The following HLA-DPB1 variants were observed in gnomAD, a reference collection of about 807,000 sequenced individuals.
HLA-DPB1 encodes the protein HLA class II histocompatibility antigen, DP beta 1 chain.
HLA-DPB1 carries 30 observed loss-of-function variants against 29.4 expected under a neutral mutation model. That is an observed-to-expected ratio of 1.02 (90% CI 0.76 to 1.38). The LOEUF is 1.38. Among genes scored for constraint, HLA-DPB1 ranks in the 40% most tolerant of loss-of-function variants. The probability of loss-of-function intolerance (pLI) is 0.00; values close to 1 mark genes in which losing one functional copy is unlikely to be tolerated. For synonymous variants in HLA-DPB1, 114 were observed against 134.0 expected (o/e 0.85, Z 1.03); for missense variants, 261 against 327.5 (o/e 0.80, Z 1.57).
rs1302868311 is a variant in HLA-DPB1 at position 33,080,049 on chromosome 6, C to T, written c.101-623C>T. Among the ~76,000 whole-genome samples, 1 of 152,172 alleles carries T rather than the reference C, an allele frequency of 6.6e-6. No homozygotes were observed. Among genetic ancestry groups the T allele is most frequent in the Non-Finnish European group, 1.5e-5 (1 of 68,026 alleles). ...TTCTGCAGCCATGTTTGAAAATTAACTTTCAGGCTACAGAGTCTTTCTTAT... is the reference window on the plus strand; with the variant it reads ...TTCTGCAGCCATGTTTGAAAATTAATTTTCAGGCTACAGAGTCTTTCTTAT... On this transcript the variant is annotated intron_variant, in intron 1 of 5. Coordinates refer to ENST00000418931, the MANE Select transcript of HLA-DPB1 (RefSeq NM_002121.6). The surrounding 1 kb of genome is among the most constrained non-coding windows in gnomAD (Gnocchi z 4.3).
Position 33,087,510 on chromosome 6 carries a change from T to C in HLA-DPB1, c.*976T>C, listed in dbSNP as rs1763163130. Among the ~76,000 whole-genome samples, 1 of 99,028 alleles carries C rather than the reference T, an allele frequency of 1.0e-5. No individual in the cohort carries two copies. The highest frequency in any genetic ancestry group is 3.3e-5 in the African/African-American group (1 of 30,112). 65.0% of individuals were successfully genotyped at this position (99,028 alleles called of 152,430 possible). On this transcript the variant is annotated 3_prime_UTR_variant, in exon 6 of 6. Transcript: ENST00000418931. Reference sequence around the variant, plus strand: ...ACATGTTTGTTGTAAGCTTTCTTTTTCGTGTAGAGGATGGATTCTTCACTC... The same window carrying C: ...ACATGTTTGTTGTAAGCTTTCTTTTCCGTGTAGAGGATGGATTCTTCACTC...
intron 1 of HLA-DPB1, 71 bp downstream of exon 1, chr6:33,076,212 G>A (rs1762528886): frequency 2.8e-6 from 3 of 1,068,758 alleles, no homozygotes; most frequent in African/African-American, 3.1e-5. Flanking sequence ...TATCTTTAAG[G>A]GATCAAATTC....
At chr6:33,076,580 C>G (rs1234839705) in intron 1 of HLA-DPB1, among the ~76,000 whole-genome samples, 1 of 152,194 alleles carries the variant, frequency 6.6e-6, no homozygotes, top group East Asian at 1.9e-4. Context: ...AAGAATGCCT[C>G]TTATTCCCCA....
chr6:33,080,617 G>A lies in HLA-DPB1; in HGVS notation c.101-55G>A. ...TCGTTAATATTGAGAGAGAGAGGGAGAAAGAGGATTAGATGAGAGTGGCGC... is the reference window on the plus strand; with the variant it reads ...TCGTTAATATTGAGAGAGAGAGGGAAAAAGAGGATTAGATGAGAGTGGCGC... On this transcript the variant is annotated intron_variant, in intron 1 of 5. Transcript: ENST00000418931. The surrounding 1 kb of genome is among the most constrained non-coding windows in gnomAD (Gnocchi z 4.3). The A allele has an allele frequency of 6.2e-7, 1 of 1,607,552 alleles. No individual in the cohort carries two copies. The highest frequency in any genetic ancestry group is 8.5e-7 in the Non-Finnish European group (1 of 1,175,144).
At position 33,076,072 on chromosome 6, in the gene HLA-DPB1, C is replaced by G. The variant is rs777782877; in HGVS notation, c.31C>G (p.Arg11Gly). The change falls in exon 1 of 6, where the codon CGG becomes GGG. Residue 11 changes from arginine (R) to glycine (G), a missense_variant. Arg to Gly is a moderately radical substitution (Grantham distance 125). Coordinates refer to ENST00000418931, the MANE Select transcript of HLA-DPB1 (RefSeq NM_002121.6). MMVLQVSAAP[R>G]TVALTALLMV... ...GGTTCTGCAGGTTTCTGCGGCCCCC[C>G]GGACAGTGGCTCTGACGGCGTTACT... is the stretch of plus-strand genomic sequence containing the variant. 33 of 1,612,572 alleles carry G rather than the reference C, an allele frequency of 2.0e-5. 1 individual carries two copies. In the South Asian group the frequency reaches 2.6e-4, roughly 13 times the overall value.
intron 2 of HLA-DPB1, among the ~76,000 whole-genome samples, chr6:33,081,728 C>G (rs1324467375): frequency 6.6e-6 from 1 of 152,096 alleles, no homozygotes; most frequent in Non-Finnish European, 1.5e-5. Flanking sequence ...GCATCCTCCT[C>G]GGGGCTGAGA....
At chr6:33,084,538 C>A (rs9277439) in intron 2 of HLA-DPB1, among the ~76,000 whole-genome samples, 57,539 of 151,586 alleles carry the variant, frequency 0.38, 12,327 homozygotes, top group East Asian at 0.64. Context: ...TAATCCCAGC[C>A]CTTTGAGAGG....
At chr6:33,077,076 C>CA (rs1762578121) in intron 1 of HLA-DPB1, among the ~76,000 whole-genome samples, 1 of 124,264 alleles carries the variant, frequency 8.0e-6, no homozygotes, top group African/African-American at 3.1e-5. Context: ...CCCCTCCCCC[C>CA]ACCCCACAAC....
At chr6:33,079,228 G>A (rs139634862) in intron 1 of HLA-DPB1, among the ~76,000 whole-genome samples, 18 of 152,342 alleles carry the variant, frequency 1.2e-4, no homozygotes, top group Admixed American at 2.6e-4. Flanking sequence ...TCCCCAGTGT[G>A]CCCAAGAACA....
chr6:33,076,496 G>C (rs558499836), intron 1 of HLA-DPB1, among the ~76,000 whole-genome samples: 1 of 152,298 alleles, frequency 6.6e-6, no homozygotes, highest in South Asian at 2.1e-4. Flanking sequence ...CATCCAGCCT[G>C]GAGGGGACTC....
At position 33,080,404 on chromosome 6, in the gene HLA-DPB1, C is replaced by T; in HGVS notation, c.101-268C>T. On this transcript the variant is annotated intron_variant, in intron 1 of 5. Transcript: ENST00000418931. This position sits in a 1 kb window ranked among gnomAD's most constrained non-coding sequence, Gnocchi z 4.3. ...CCACCAGCAGAAGGGACTGCCTTCC[C>T]CTCAGTGCTCGCCCCTCCCTAGTGA... 1.5e-6 allele frequency: 1 copy of T among 663,372 alleles called. No homozygotes were observed. The highest frequency in any genetic ancestry group is 1.5e-5 in the South Asian group (1 of 66,252). 41.1% of individuals were successfully genotyped at this position (663,372 alleles called of 1,614,324 possible). A position where few individuals can be genotyped will look rare whatever the true frequency, so the allele number is the denominator to read the frequency against.
Position 33,087,627 on chromosome 6 carries a change from T to G in HLA-DPB1, c.*1093T>G, listed in dbSNP as rs568432283. On this transcript the variant is annotated 3_prime_UTR_variant, in exon 6 of 6. Transcript: ENST00000418931. ...CTTCTTACAAGCATCTTCTGGGCCT[T>G]GTGTGTCCCTGGGCACCTGTCCCTG... Among the ~76,000 whole-genome samples the G allele has an allele frequency of 1.3e-5, 2 of 152,200 alleles. No individual in the cohort carries two copies. The highest frequency in any genetic ancestry group is 1.5e-5 in the Non-Finnish European group (1 of 68,042).
intron 1 of HLA-DPB1, among the ~76,000 whole-genome samples, chr6:33,079,035 C>A (rs1210740410): frequency 6.6e-6 from 1 of 152,188 alleles, no homozygotes; most frequent in Non-Finnish European, 1.5e-5. Flanking sequence ...TGGGATCTTG[C>A]CTTAGCAATG....
chr6:33,085,952 G>C (rs775515340), intron 4 of HLA-DPB1, 63 bp downstream of exon 4: 1 of 1,087,086 alleles, frequency 9.2e-7, no homozygotes, highest in Non-Finnish European at 1.4e-6. Flanking sequence ...CTTATTCCAC[G>C]ATGAGGGGTT....
Position 33,085,055 on chromosome 6 carries a change from G to C in HLA-DPB1, c.470G>C (p.Arg157Pro). 1.2e-6 allele frequency: 2 copies of C among 1,613,636 alleles called. No homozygotes were observed. The highest frequency in any genetic ancestry group is 1.7e-6 in the Non-Finnish European group (2 of 1,179,966). ...TDFYPGSIQV[R>P]WFLNGQEETA... ...TTCTACCCAGGCAGCATTCAAGTCC[G>C]ATGGTTCCTGAATGGACAGGAGGAA... Residue 157 changes from arginine (R) to proline (P), a missense_variant, in exon 3 of 6, where the codon CGA becomes CCA. By Grantham distance (103) the Arg-to-Pro change is moderately radical. Transcript: ENST00000418931.
At position 33,087,253 on chromosome 6, in the gene HLA-DPB1, A is replaced by T. The variant is rs1171640798; in HGVS notation, c.*719A>T. On this transcript the variant is annotated 3_prime_UTR_variant, in exon 6 of 6. Transcript: ENST00000418931. ...TACTCCTTAACCAAATACGGCTTGG[A>T]CTTTTGAATGCATCCAATAGACGTC... 6.5e-6 allele frequency: 1 copy of T among 153,272 alleles called. No individual in the cohort carries two copies. The highest frequency in any genetic ancestry group is 1.5e-5 in the Non-Finnish European group (1 of 68,668). The allele number at this position is 153,272 out of a possible 1,614,324, so 9.5% of individuals were successfully genotyped here. A position where few individuals can be genotyped will look rare whatever the true frequency, so the allele number is the denominator to read the frequency against.
In HLA-DPB1 at chr6:33,080,720, C is replaced by G; in HGVS notation, c.149C>G (p.Thr50Arg). The change falls in exon 2 of 6, where the codon ACA (threonine) becomes AGA (arginine). Residue 50 changes from threonine to arginine, a missense_variant. Coordinates refer to ENST00000418931, the MANE Select transcript of HLA-DPB1 (RefSeq NM_002121.6). This position sits in a 1 kb window ranked among gnomAD's most constrained non-coding sequence, Gnocchi z 4.3. ...GRQECYAFNG[T>R]QRFLERYIYN... The stretch of plus-strand genomic sequence containing the variant: ...CAGGAATGCTACGCGTTTAATGGGA[C>G]ACAGCGCTTCCTGGAGAGATACATC... 1 of 1,613,500 alleles carries G rather than the reference C, an allele frequency of 6.2e-7. No homozygotes were observed. Among genetic ancestry groups the G allele is most frequent in the Non-Finnish European group, 8.5e-7 (1 of 1,179,902 alleles).
chr6:33,085,358 T>G, intron 3 of HLA-DPB1, 127 bp downstream of exon 3: 2 of 805,728 alleles, frequency 2.5e-6, no homozygotes, highest in Non-Finnish European at 3.9e-6. Flanking sequence ...CTTTCTTCTA[T>G]ACCAGCTCCT....
Position 33,085,236 on chromosome 6 carries a change from G to A in HLA-DPB1, c.646+5G>A. 1 of 1,599,678 alleles carries A rather than the reference G, an allele frequency of 6.3e-7. No individual in the cohort carries two copies. The highest frequency in any genetic ancestry group is 8.5e-7 in the Non-Finnish European group (1 of 1,171,006). On this transcript the variant is annotated splice_donor_5th_base_variant and intron_variant, in intron 3 of 5. Transcript: ENST00000418931. ...GTCCTGTCACCGTGGAGTGGAGTGA[G>A]TCTCTGATGACCCTCTAGACCCCAC... is the stretch of plus-strand genomic sequence containing the variant.
Sources: gnomAD v4.1 joint callset for allele counts (sites outside exome capture counted in the v4.1 genomes callset) on GRCh38, gnomAD v4.1.1 for gene constraint, Gnocchi (gnomAD v3.1) non-coding constraint, MANE v1.5 for transcripts, NCBI Gene and HGNC (gene_info 2026-07-23, HGNC 2026-07-21) for gene names.